Variants in PSEN1 observed in about 807,000 individuals in gnomAD.
PSEN1 encodes the protein presenilin-1.
PSEN1 carries 15 observed loss-of-function variants against 53.5 expected under a neutral mutation model. The observed-to-expected ratio is 0.28, with a 90% CI of 0.19 to 0.43. The LOEUF is 0.43. Ranked by LOEUF, PSEN1 falls within the 20% of genes least tolerant of loss-of-function variation. The probability of loss-of-function intolerance (pLI) is 1.00; values close to 1 mark genes in which losing one functional copy is unlikely to be tolerated. For synonymous variants in PSEN1, 208 were observed against 209.8 expected, an observed-to-expected ratio of 0.99 and a Z score of 0.08; for missense variants, 387 against 571.2, an observed-to-expected ratio of 0.68 and a Z score of 3.29.
chr14:73,158,282 T>TTCTTTCTA (rs150258982), intron 3 of PSEN1, among the ~76,000 whole-genome samples: 3 of 141,464 alleles, frequency 2.1e-5, no homozygotes, highest in Non-Finnish European at 4.6e-5. Context: ...TAACTTTTTT[T>TTCTTTCTA]TCTATCTATC....
intron 8 of PSEN1, chr14:73,206,124 CT>C: frequency 2.1e-6 from 1 of 465,708 alleles, no homozygotes; most frequent in Non-Finnish European, 3.9e-6. Flanking sequence ...CTTCTGGTTC[CT>C]TTTCAGGGAC....
chr14:73,197,166 C>CT (rs1166487820), intron 7 of PSEN1, among the ~76,000 whole-genome samples: 2 of 152,130 alleles, frequency 1.3e-5, no homozygotes, highest in Non-Finnish European at 2.9e-5. Context: ...ATCTCCTGAC[C>CT]TTGTGATCCG....
At chr14:73,211,471 A>G (rs768304317) in intron 9 of PSEN1, among the ~76,000 whole-genome samples, 66 of 152,042 alleles carry the variant, frequency 4.3e-4, no homozygotes, top group Non-Finnish European at 6.9e-4. Context: ...ACAACCTTAG[A>G]GCTTTTGTTA....
intron 7 of PSEN1, 130 bp from the exon 8 acceptor site, chr14:73,197,901 C>G: frequency 1.7e-6 from 1 of 591,914 alleles, no homozygotes; most frequent in South Asian, 1.8e-5. Flanking sequence ...CATATTCATT[C>G]AACGTCTTTT....
intron 6 of PSEN1, among the ~76,000 whole-genome samples, chr14:73,191,930 A>G (rs1290276281): frequency 6.6e-6 from 1 of 152,154 alleles, no homozygotes; most frequent in Non-Finnish European, 1.5e-5. Context: ...GCACATGTTT[A>G]ATTTTTTCTA....
At chr14:73,145,944 T>C (rs1036486680) in intron 1 of PSEN1, 1 of 151,920 alleles carries the variant, frequency 6.6e-6, no homozygotes, top group Non-Finnish European at 1.5e-5. Context: ...CAGTCTCTAC[T>C]AAAAATACAA....
chr14:73,183,304 T>TAA (rs1566635663), intron 5 of PSEN1, among the ~76,000 whole-genome samples: 55 of 148,360 alleles, frequency 3.7e-4, no homozygotes, highest in African/African-American at 1.4e-3. Context: ...TTTTTTTTTT[T>TAA]AATTTATTTT....
chr14:73,153,493 A>C (rs1897278756), intron 3 of PSEN1, among the ~76,000 whole-genome samples: 2 of 152,102 alleles, frequency 1.3e-5, no homozygotes, highest in Non-Finnish European at 2.9e-5. Context: ...TGCTGAATGG[A>C]ATTATGTGTG....
intron 11 of PSEN1, among the ~76,000 whole-genome samples, chr14:73,218,684 C>G (rs920633430): frequency 2.0e-5 from 3 of 151,440 alleles, no homozygotes; most frequent in African/African-American, 7.3e-5. Flanking sequence ...AGAGAATGCC[C>G]CCGCACAGCA....
At position 73,170,994 on chromosome 14, in the gene PSEN1, G is replaced by C; in HGVS notation, c.285G>C (p.Val95=). The stretch of plus-strand genomic sequence containing the variant: ...TCCCTGTGACTCTCTGCATGGTGGT[G>C]GTCGTGGCTACCATTAAGTCAGTCA... ...LFVPVTLCMV[V]VVATIKSVSF... The change falls in exon 4 of 12, where the codon GTG becomes GTC. Residue 95 remains valine, a synonymous_variant. Coordinates refer to ENST00000324501, the MANE Select transcript of PSEN1 (RefSeq NM_000021.4). The C allele has an allele frequency of 6.2e-7, 1 of 1,614,176 alleles. No individual in the cohort carries two copies. The highest frequency in any genetic ancestry group is 8.5e-7 in the Non-Finnish European group (1 of 1,180,018).
intron 1 of PSEN1, chr14:73,138,172 A>G (rs959476261): frequency 3.3e-5 from 5 of 150,700 alleles, no homozygotes; most frequent in African/African-American, 9.7e-5. Flanking sequence ...CCTATTTTAA[A>G]TTTTCTAATA....
chr14:73,191,324 A>G (rs1898705221), intron 6 of PSEN1, among the ~76,000 whole-genome samples: 1 of 152,276 alleles, frequency 6.6e-6, no homozygotes, highest in African/African-American at 2.4e-5. Context: ...TTTTCAAGCA[A>G]CAGTGTGTTA....
chr14:73,197,506 G>A (rs762541377), intron 7 of PSEN1, among the ~76,000 whole-genome samples: 13 of 152,106 alleles, frequency 8.5e-5, no homozygotes, highest in Non-Finnish European at 1.3e-4. Flanking sequence ...TCAGTAGTAC[G>A]TAATACTGCT....
intron 9 of PSEN1, among the ~76,000 whole-genome samples, chr14:73,207,269 A>G (rs1899491321): frequency 6.6e-6 from 1 of 152,034 alleles, no homozygotes; most frequent in Non-Finnish European, 1.5e-5. Flanking sequence ...GATGGAGTTG[A>G]GGGGGAGCTT....
intron 3 of PSEN1, among the ~76,000 whole-genome samples, chr14:73,154,013 A>C (rs917026137): frequency 1.2e-4 from 18 of 152,190 alleles, no homozygotes; most frequent in Admixed American, 2.6e-4. Flanking sequence ...CGTGCCTGCC[A>C]ATACATTTTC....
intron 1 of PSEN1, among the ~76,000 whole-genome samples, chr14:73,143,901 A>T (rs1004620621): frequency 1.4e-5 from 2 of 143,300 alleles, no homozygotes; most frequent in African/African-American, 5.2e-5. Flanking sequence ...AGGTGGGAGG[A>T]TCGACTGAGG....
At chr14:73,172,438 T>C (rs1252827427) in intron 4 of PSEN1, among the ~76,000 whole-genome samples, 1 of 152,218 alleles carries the variant, frequency 6.6e-6, no homozygotes, top group East Asian at 1.9e-4. Flanking sequence ...CAACGTATTA[T>C]AGAACAAACA....
rs1898970524 is a variant in PSEN1, at chr14:73,196,928, CTTTCTT to C, written c.770-1099_770-1094del. Among the ~76,000 whole-genome samples the C allele has an allele frequency of 4.9e-5, 7 of 143,784 alleles. No homozygotes were observed. In the South Asian group the frequency reaches 1.5e-3, roughly 31 times the overall value. 94.3% of individuals were successfully genotyped at this position (143,784 alleles called of 152,430 possible). On this transcript the variant is annotated intron_variant, in intron 7 of 11. Coordinates refer to ENST00000324501, the MANE Select transcript of PSEN1 (RefSeq NM_000021.4). ...TTTATATTCTGAATTTTCTTTCTTT[CTTTCTT>C]TTTTTTTTTTTTTTTTGAGACGGAG... is the stretch of plus-strand genomic sequence containing the variant.
chr14:73,152,746 G>A (rs1397112139), intron 3 of PSEN1, among the ~76,000 whole-genome samples: 1 of 151,238 alleles, frequency 6.6e-6, no homozygotes, highest in Non-Finnish European at 1.5e-5. Flanking sequence ...GTCTCCATTT[G>A]AAAAAAGAAA....
Sources: gnomAD v4.1 joint callset for allele counts (sites outside exome capture counted in the v4.1 genomes callset) on GRCh38, gnomAD v4.1.1 for gene constraint, MANE v1.5 for transcripts, NCBI Gene and HGNC (gene_info 2026-07-23, HGNC 2026-07-21) for gene names.